CDKN2B-AS1: variants seen among roughly 807,000 people sequenced by gnomAD.
CDKN2B-AS1 encodes CDKN2B antisense RNA 1 (non-protein coding).
chr9:22,053,227 G>A (rs1008953691), intron 3 of CDKN2B-AS1, among the ~76,000 whole-genome samples: 6 of 152,170 alleles, frequency 3.9e-5, no homozygotes, highest in African/African-American at 1.4e-4. Context: ...TGAACAGAAT[G>A]TATATTCTTT....
intron 4 of CDKN2B-AS1, among the ~76,000 whole-genome samples, chr9:22,096,853 C>T (rs902427514): frequency 1.3e-5 from 2 of 152,176 alleles, no homozygotes; most frequent in Non-Finnish European, 2.9e-5. Flanking sequence ...CTATTAGACT[C>T]AGGCATCATC....
At chr9:22,046,151 T>G (rs996775844) in intron 1 of CDKN2B-AS1, among the ~76,000 whole-genome samples, 1 of 152,088 alleles carries the variant, frequency 6.6e-6, no homozygotes, top group African/African-American at 2.4e-5. Context: ...GTACTGTAAT[T>G]TGTCTACTTC....
intron 1 of CDKN2B-AS1, among the ~76,000 whole-genome samples, chr9:22,035,642 C>T (rs1349405250): frequency 2.0e-5 from 3 of 152,066 alleles, no homozygotes; most frequent in Non-Finnish European, 4.4e-5. Flanking sequence ...GCTGCTTCTC[C>T]GAGTATTTGC....
intron 4 of CDKN2B-AS1, among the ~76,000 whole-genome samples, chr9:22,096,916 TTTGCTTG>T (rs1228792229): frequency 1.3e-5 from 2 of 152,258 alleles, no homozygotes; most frequent in African/African-American, 4.8e-5. Context: ...ATTCTGTGCC[TTTGCTTG>T]CTGGTTCCCA....
At chr9:22,002,862 A>T (rs1259717218) in intron 1 of CDKN2B-AS1, 1 of 177,440 alleles carries the variant, frequency 5.6e-6, no homozygotes, top group Non-Finnish European at 1.2e-5. Context: ...AAATTCATCC[A>T]CTTAGGTGAA....
At chr9:22,110,058 T>C (rs1026289660) in intron 4 of CDKN2B-AS1, among the ~76,000 whole-genome samples, 2 of 152,172 alleles carry the variant, frequency 1.3e-5, no homozygotes, top group Non-Finnish European at 2.9e-5. Flanking sequence ...TAAGTAATTG[T>C]ATGAGGTGAT....
intron 4 of CDKN2B-AS1, among the ~76,000 whole-genome samples, chr9:22,112,754 A>G (rs950337280): frequency 1.1e-4 from 17 of 152,314 alleles, no homozygotes; most frequent in African/African-American, 3.6e-4. Flanking sequence ...TTCTTGAACT[A>G]TGTATAATTT....
chr9:22,107,232 G>A lies in CDKN2B-AS1; in HGVS notation n.439-19871G>A, dbSNP rs143675034. Among the ~76,000 whole-genome samples, 47 of 152,262 alleles carry A rather than the reference G, an allele frequency of 3.1e-4. No individual in the cohort carries two copies. In the South Asian group the frequency reaches 3.1e-3, roughly 10 times the overall value. On this transcript the variant is annotated intron_variant and non_coding_transcript_variant, in intron 4 of 4. Transcript: ENST00000650946. ...GTGAAAGTGGTTCTAAGAAACTAGC[G>A]GCAATCATCCTTCATTACTGATTGG... is the stretch of plus-strand genomic sequence containing the variant.
chr9:22,066,595 A>G (rs563137063), intron 4 of CDKN2B-AS1, among the ~76,000 whole-genome samples: 1 of 152,188 alleles, frequency 6.6e-6, no homozygotes, highest in African/African-American at 2.4e-5. Context: ...TAAAATTAAA[A>G]TACGAATGTC....
intron 4 of CDKN2B-AS1, among the ~76,000 whole-genome samples, chr9:22,085,434 C>T (rs1824835942): frequency 6.6e-6 from 1 of 152,162 alleles, no homozygotes; most frequent in South Asian, 2.1e-4. Context: ...AAAGTTCCCT[C>T]TCTGGCCGGG....
At chr9:22,038,640 T>C (rs966856004) in intron 1 of CDKN2B-AS1, among the ~76,000 whole-genome samples, 3 of 152,032 alleles carry the variant, frequency 2.0e-5, no homozygotes, top group Non-Finnish European at 4.4e-5. Context: ...TCTTTTTTAA[T>C]GTTTAAGAAA....
intron 1 of CDKN2B-AS1, chr9:22,009,339 C>T: frequency 2.5e-6 from 1 of 398,284 alleles, no homozygotes; most frequent in Non-Finnish European, 4.6e-6. Flanking sequence ...CCGTTTTCAG[C>T]TGGGCCAAGG....
intron 1 of CDKN2B-AS1, among the ~76,000 whole-genome samples, chr9:22,015,665 T>A (rs534663208): frequency 1.3e-5 from 2 of 152,094 alleles, no homozygotes; most frequent in Non-Finnish European, 2.9e-5. Flanking sequence ...TACTTTAAGT[T>A]TTAGGGTACA....
At chr9:22,036,128 A>G (rs188196486) in intron 1 of CDKN2B-AS1, among the ~76,000 whole-genome samples, 8 of 152,266 alleles carry the variant, frequency 5.3e-5, no homozygotes, top group African/African-American at 1.4e-4. Flanking sequence ...GATCTACCTT[A>G]GGCTGATACA....
chr9:22,005,496 T>G lies in CDKN2B-AS1; in HGVS notation n.29+10335T>G. The G allele has an allele frequency of 1.1e-5, 3 of 271,506 alleles. No homozygotes were observed. The highest frequency in any genetic ancestry group is 2.1e-5 in the Non-Finnish European group (3 of 141,302). 16.8% of individuals were successfully genotyped at this position (271,506 alleles called of 1,614,324 possible). ...CTCCACTTTGTCCTCAGTCTTCAGG[T>G]TTTCCTTTCTGCCGCTAGGGCCTAA... is the stretch of plus-strand genomic sequence containing the variant. On this transcript the variant is annotated intron_variant and non_coding_transcript_variant, in intron 1 of 4. Coordinates refer to ENST00000650946, the Ensembl canonical transcript of CDKN2B-AS1. This position sits in a 1 kb window ranked among gnomAD's most constrained non-coding sequence, Gnocchi z 4.9.
intron 1 of CDKN2B-AS1, among the ~76,000 whole-genome samples, chr9:22,042,609 A>G (rs1822942701): frequency 6.6e-6 from 1 of 152,124 alleles, no homozygotes; most frequent in Non-Finnish European, 1.5e-5. Context: ...CTGTGGCCCA[A>G]TGGAAGCACC....
chr9:22,038,692 A>G (rs576218248), intron 1 of CDKN2B-AS1, among the ~76,000 whole-genome samples: 14 of 152,128 alleles, frequency 9.2e-5, no homozygotes, highest in Admixed American at 3.3e-4. Flanking sequence ...CTGTCAAGGA[A>G]CCCACAGGAT....
chr9:22,089,900 A>T (rs938180189), intron 4 of CDKN2B-AS1, among the ~76,000 whole-genome samples: 1 of 151,994 alleles, frequency 6.6e-6, no homozygotes, highest in African/African-American at 2.4e-5. Flanking sequence ...CTATGTATAC[A>T]TGTGCCATGT....
At chr9:22,085,402 G>A (rs1824834234) in intron 4 of CDKN2B-AS1, among the ~76,000 whole-genome samples, 1 of 152,024 alleles carries the variant, frequency 6.6e-6, no homozygotes, top group Non-Finnish European at 1.5e-5. Context: ...TCTTGTTCTG[G>A]CCCCACACCA....
Sources: allele counts gnomAD v4.1 joint callset (sites outside exome capture counted in the v4.1 genomes callset), GRCh38; gene constraint gnomAD v4.1.1; non-coding constraint Gnocchi (gnomAD v3.1); transcripts MANE v1.5; gene names NCBI Gene and HGNC (gene_info 2026-07-23, HGNC 2026-07-21).